The following SYN3 variants were observed in gnomAD, a reference collection of about 807,000 sequenced individuals.
SYN3 encodes the protein synapsin III.
In SYN3, 35 loss-of-function variants were observed where a neutral mutation model predicts 65.8. The ratio of observed to expected loss-of-function variants is 0.53; its 90% CI spans 0.41 to 0.70. The LOEUF is 0.70. SYN3 is among the 30% of genes least tolerant of loss of function. SYN3 has a pLI of 0.00. For missense variants in SYN3, 680 were observed against 749.0 expected (o/e 0.91, Z 1.08); for synonymous variants, 270 against 292.9 (o/e 0.92, Z 0.80).
intron 7 of SYN3, among the ~76,000 whole-genome samples, chr22:32,569,260 T>TATCTATCC (rs2058714184): frequency 7.4e-6 from 1 of 135,446 alleles, no homozygotes; most frequent in Non-Finnish European, 1.6e-5. Context: ...ATCCAAAATC[T>TATCTATCC]ATCTATCTAT....
chr22:32,530,549 TG>T (rs1444326559), intron 10 of SYN3, among the ~76,000 whole-genome samples: 3 of 151,432 alleles, frequency 2.0e-5, no homozygotes. Context: ...TCTGTGATCT[TG>T]GGCAAGTTTC....
intron 5 of SYN3, among the ~76,000 whole-genome samples, chr22:32,868,671 G>A (rs954892302): frequency 2.0e-5 from 3 of 151,954 alleles, no homozygotes; most frequent in East Asian, 1.9e-4. Context: ...GGCTGGTCTC[G>A]AACTACCAAC....
At chr22:33,019,702 T>TGGC (rs1203197774) in intron 1 of SYN3, among the ~76,000 whole-genome samples, 1 of 152,166 alleles carries the variant, frequency 6.6e-6, no homozygotes, top group African/African-American at 2.4e-5. Flanking sequence ...TGGAGTGCAG[T>TGGC]GGCGCGATCT....
At chr22:32,932,581 T>A (rs925622836) in intron 3 of SYN3, among the ~76,000 whole-genome samples, 1 of 152,008 alleles carries the variant, frequency 6.6e-6, no homozygotes, top group African/African-American at 2.4e-5. Context: ...GGGCAAGAGA[T>A]GGGGATGTTT....
chr22:32,651,941 C>T (rs2060077387), intron 6 of SYN3, among the ~76,000 whole-genome samples: 1 of 152,164 alleles, frequency 6.6e-6, no homozygotes, highest in South Asian at 2.1e-4. Context: ...GCCAGGGATG[C>T]ATCTAATCCT....
At chr22:32,855,008 C>T (rs549564522) in intron 6 of SYN3, among the ~76,000 whole-genome samples, 7 of 152,274 alleles carry the variant, frequency 4.6e-5, no homozygotes, top group South Asian at 2.1e-4. Context: ...AGAAGAGACA[C>T]CAATGAAGAG....
At chr22:32,606,765 CCT>C (rs1431590754) in intron 6 of SYN3, among the ~76,000 whole-genome samples, 12 of 151,350 alleles carry the variant, frequency 7.9e-5, no homozygotes, top group Admixed American at 7.9e-4. Context: ...CAGCGAAGTC[CCT>C]CTCTGCTCCT....
At chr22:32,816,170 T>C (rs2047083771) in intron 6 of SYN3, among the ~76,000 whole-genome samples, 1 of 151,964 alleles carries the variant, frequency 6.6e-6, no homozygotes, top group Admixed American at 6.6e-5. Context: ...GCGAGGTCAG[T>C]GTACCAGGTT....
intron 6 of SYN3, among the ~76,000 whole-genome samples, chr22:32,799,734 T>C (rs2046516793): frequency 1.3e-5 from 2 of 151,958 alleles, no homozygotes; most frequent in Non-Finnish European, 2.9e-5. Context: ...ATCCTTAGAG[T>C]GGCCTCCAGG....
At chr22:32,658,297 C>T (rs1273467786) in intron 6 of SYN3, among the ~76,000 whole-genome samples, 1 of 152,246 alleles carries the variant, frequency 6.6e-6, no homozygotes, top group Non-Finnish European at 1.5e-5. Flanking sequence ...GTGCTGGCAG[C>T]ACCCTGTGCT....
intron 3 of SYN3, among the ~76,000 whole-genome samples, chr22:32,944,076 T>A (rs2051029112): frequency 6.6e-6 from 1 of 152,138 alleles, no homozygotes; most frequent in Non-Finnish European, 1.5e-5. Context: ...GGAATTGAAC[T>A]CAGCTCTGCA....
chr22:32,951,645 C>A (rs1366268449), intron 3 of SYN3, among the ~76,000 whole-genome samples: 1 of 152,186 alleles, frequency 6.6e-6, no homozygotes, highest in Non-Finnish European at 1.5e-5. Context: ...AGACTGTTCC[C>A]CAAGTTCCAC....
chr22:32,914,935 CCAGGTGCTG>C (rs2050149813), intron 4 of SYN3, among the ~76,000 whole-genome samples: 1 of 152,148 alleles, frequency 6.6e-6, no homozygotes, highest in Non-Finnish European at 1.5e-5. Context: ...TCTCATATAA[CCAGGTGCTG>C]CAGCTGGTGG....
chr22:32,956,041 C>CATATATAT (rs5845054), intron 3 of SYN3, among the ~76,000 whole-genome samples: 6,154 of 130,506 alleles, frequency 0.047, 197 homozygotes, highest in Middle Eastern at 0.089. Flanking sequence ...AATAAATTCA[C>CATATATAT]ATATATATAT....
chr22:33,047,713 A>G (rs975616597), intron 1 of SYN3, among the ~76,000 whole-genome samples: 7 of 152,046 alleles, frequency 4.6e-5, no homozygotes, highest in Non-Finnish European at 1.0e-4. Flanking sequence ...AAAAAAAATA[A>G]TAAAAACACC....
chr22:33,011,438 T>G (rs1188743260), intron 1 of SYN3, among the ~76,000 whole-genome samples: 1 of 152,236 alleles, frequency 6.6e-6, no homozygotes, highest in Non-Finnish European at 1.5e-5. Context: ...TTGATCATAG[T>G]GTATTACCCT....
intron 4 of SYN3, among the ~76,000 whole-genome samples, chr22:32,887,801 G>A (rs1203663834): frequency 6.6e-6 from 1 of 152,130 alleles, no homozygotes. Context: ...GATGAATAAA[G>A]TTGCTATGAA....
intron 6 of SYN3, among the ~76,000 whole-genome samples, chr22:32,674,319 G>A (rs1051020666): frequency 4.6e-5 from 7 of 152,184 alleles, no homozygotes; most frequent in African/African-American, 7.2e-5. Flanking sequence ...CTGGGAAAGC[G>A]ATGTTCCAGT....
chr22:32,541,239 C>T (rs1366311098), intron 8 of SYN3, among the ~76,000 whole-genome samples: 1 of 152,196 alleles, frequency 6.6e-6, no homozygotes, highest in African/African-American at 2.4e-5. Flanking sequence ...TACTCCAAAA[C>T]CCTCAGCAAG....
Sources: gnomAD v4.1 joint callset for allele counts (sites outside exome capture counted in the v4.1 genomes callset) on GRCh38, gnomAD v4.1.1 for gene constraint, MANE v1.5 for transcripts, NCBI Gene and HGNC (gene_info 2026-07-23, HGNC 2026-07-21) for gene names.